The following ARPP21 variants were observed in gnomAD, a reference collection of about 807,000 sequenced individuals.
ARPP21 encodes the protein cAMP-regulated phosphoprotein 21.
In ARPP21, 69 loss-of-function variants were observed where a neutral mutation model predicts 113.2. The ratio of observed to expected loss-of-function variants is 0.61; its 90% CI spans 0.50 to 0.74. The LOEUF (loss-of-function observed/expected upper bound fraction) is 0.74, where lower values mean the gene tolerates loss of function less well. ARPP21 is among the 30% of genes least tolerant of loss of function. ARPP21 has a pLI of 0.00. For synonymous variants in ARPP21, 368 were observed against 375.5 expected (o/e 0.98, Z 0.23); for missense variants, 1,070 against 1,037.4 (o/e 1.03, Z -0.43).
chr3:35,691,107 G>A, intron 9 of ARPP21, 102 bp downstream of exon 9: 2 of 1,250,016 alleles, frequency 1.6e-6, no homozygotes, highest in Non-Finnish European at 2.2e-6. Context: ...TTTAAAATGT[G>A]CAGTGTTATT....
chr3:35,692,611 C>T (rs1241695185), intron 9 of ARPP21, among the ~76,000 whole-genome samples: 1 of 151,568 alleles, frequency 6.6e-6, no homozygotes, highest in East Asian at 1.9e-4. Context: ...ACCAATTTTG[C>T]AATCACATAG....
intron 19 of ARPP21, among the ~76,000 whole-genome samples, chr3:35,760,337 G>A (rs1242118433): frequency 6.6e-6 from 1 of 152,072 alleles, no homozygotes; most frequent in Non-Finnish European, 1.5e-5. Context: ...CTGGATACTT[G>A]AATTCTGTCC....
At chr3:35,757,840 T>C (rs2095628774) in intron 19 of ARPP21, among the ~76,000 whole-genome samples, 1 of 152,138 alleles carries the variant, frequency 6.6e-6, no homozygotes. Context: ...TCAAAACTCA[T>C]TATTTTACAC....
At chr3:35,704,089 A>T (rs2087644770) in intron 9 of ARPP21, among the ~76,000 whole-genome samples, 1 of 151,888 alleles carries the variant, frequency 6.6e-6, no homozygotes, top group Non-Finnish European at 1.5e-5. Context: ...ATTCACTTGA[A>T]TTTTTAAGCA....
intron 3 of ARPP21, 101 bp downstream of exon 3, chr3:35,681,981 C>A (rs2079046824): frequency 2.3e-6 from 3 of 1,312,882 alleles, no homozygotes; most frequent in Non-Finnish European, 3.1e-6. Context: ...AAGAGTTTCA[C>A]TGGTTATATC....
At chr3:35,783,384 C>T (rs764710714) in intron 19 of ARPP21, among the ~76,000 whole-genome samples, 24 of 152,062 alleles carry the variant, frequency 1.6e-4, no homozygotes, top group Non-Finnish European at 3.2e-4. Flanking sequence ...CATTCCACTT[C>T]CTTACCCAAA....
chr3:35,741,512 T>A (rs922373767), intron 18 of ARPP21, among the ~76,000 whole-genome samples: 6 of 152,216 alleles, frequency 3.9e-5, no homozygotes. Context: ...ATCTATTTAA[T>A]AAATGTAAAG....
chr3:35,746,747 T>A (rs573936512), intron 19 of ARPP21, among the ~76,000 whole-genome samples: 2 of 152,360 alleles, frequency 1.3e-5, no homozygotes, highest in African/African-American at 4.8e-5. Flanking sequence ...TTCTTGGCGC[T>A]GTTCTTAATC....
chr3:35,711,670 G>C (rs1340010891), intron 11 of ARPP21, among the ~76,000 whole-genome samples: 2 of 152,126 alleles, frequency 1.3e-5, no homozygotes, highest in Non-Finnish European at 2.9e-5. Flanking sequence ...TCATCTGAAG[G>C]CTTGATCAAG....
rs1213443421 is a variant in ARPP21 at position 35,768,536 on chromosome 3, A to C, written c.2138-23846A>C. On this transcript the variant is annotated intron_variant, in intron 19 of 20. Transcript: ENST00000684406. The stretch of plus-strand genomic sequence containing the variant: ...TATTTGATTTATGATAGCATCACTA[A>C]TTTCAATAGTAGTGTGTCTTTGAAG... Among the ~76,000 whole-genome samples, 3 of 152,206 alleles carry C rather than the reference A, an allele frequency of 2.0e-5. No homozygotes were observed. The East Asian group carries it at 5.8e-4, about 29-fold the overall frequency.
intron 1 of ARPP21, among the ~76,000 whole-genome samples, chr3:35,652,266 C>G (rs1027144689): frequency 1.3e-4 from 20 of 152,162 alleles, no homozygotes; most frequent in African/African-American, 4.6e-4. Context: ...CAATTTGGGA[C>G]TGTTATCTAA....
chr3:35,792,554 T>C (rs1347488720), intron 20 of ARPP21, 24 bp downstream of exon 20: 1 of 1,613,400 alleles, frequency 6.2e-7, no homozygotes, highest in Non-Finnish European at 8.5e-7. Flanking sequence ...GCTTGGAAAA[T>C]TGTGGGTTTT....
At chr3:35,771,073 G>A (rs897779830) in intron 19 of ARPP21, among the ~76,000 whole-genome samples, 5 of 152,186 alleles carry the variant, frequency 3.3e-5, no homozygotes, top group African/African-American at 4.8e-5. Context: ...AAGCTACAGA[G>A]CTCATCTGCG....
chr3:35,684,043 A>C (rs1023713874), intron 5 of ARPP21: 2 of 1,598,580 alleles, frequency 1.3e-6, no homozygotes, highest in African/African-American at 2.7e-5. Flanking sequence ...CTGCAAATGG[A>C]AAGGAATTCA....
At chr3:35,773,401 C>T (rs902058621) in intron 19 of ARPP21, among the ~76,000 whole-genome samples, 1 of 152,134 alleles carries the variant, frequency 6.6e-6, no homozygotes, top group African/African-American at 2.4e-5. Flanking sequence ...TACAAGGAGT[C>T]TGTCTTAAAG....
At chr3:35,778,325 C>T (rs537153000) in intron 19 of ARPP21, among the ~76,000 whole-genome samples, 66 of 152,186 alleles carry the variant, frequency 4.3e-4, no homozygotes, top group Admixed American at 3.7e-3. Flanking sequence ...GTTCCTTTGC[C>T]CCCTGGTTTC....
chr3:35,773,036 G>A (rs2096253488), intron 19 of ARPP21, among the ~76,000 whole-genome samples: 1 of 152,106 alleles, frequency 6.6e-6, no homozygotes, highest in South Asian at 2.1e-4. Flanking sequence ...GCCATATCTT[G>A]AGCATAAGCA....
chr3:35,790,029 C>T (rs905234697), intron 19 of ARPP21, among the ~76,000 whole-genome samples: 1 of 151,940 alleles, frequency 6.6e-6, no homozygotes, highest in Non-Finnish European at 1.5e-5. Flanking sequence ...CTTCTCTTTC[C>T]CCCACTTCCC....
At chr3:35,675,838 A>ATAG (rs2077356539) in intron 1 of ARPP21, among the ~76,000 whole-genome samples, 1 of 141,056 alleles carries the variant, frequency 7.1e-6, no homozygotes, top group African/African-American at 2.6e-5. Context: ...TGATGATGAT[A>ATAG]GCATTTAGTA....
Sources: allele counts gnomAD v4.1 joint callset (sites outside exome capture counted in the v4.1 genomes callset), GRCh38; gene constraint gnomAD v4.1.1; transcripts MANE v1.5; gene names NCBI Gene and HGNC (gene_info 2026-07-23, HGNC 2026-07-21).